YIPF5: variants seen among roughly 807,000 people sequenced by gnomAD.
YIPF5 encodes protein YIPF5.
Under a neutral mutation model 30.4 loss-of-function variants are expected in YIPF5, and 8 were observed. The ratio of observed to expected loss-of-function variants is 0.26; its 90% CI spans 0.15 to 0.47. The LOEUF (loss-of-function observed/expected upper bound fraction) is 0.47, where lower values mean the gene tolerates loss of function less well. YIPF5 is among the 20% of genes least tolerant of loss of function. The pLI, the probability that YIPF5 is intolerant of heterozygous loss-of-function variation, is 0.99. For synonymous variants in YIPF5, 104 were observed against 107.9 expected (o/e 0.96, Z 0.23); for missense variants, 282 against 301.8 (o/e 0.93, Z 0.49).
At chr5:144,167,807 T>C (rs1296970830) in intron 2 of YIPF5, among the ~76,000 whole-genome samples, 6 of 152,236 alleles carry the variant, frequency 3.9e-5, no homozygotes, top group Non-Finnish European at 8.8e-5. Context: ...GCAAGTAATA[T>C]GCTATTTGCA....
At chr5:144,164,051 C>T in intron 4 of YIPF5, 60 bp downstream of exon 4, 3 of 1,589,006 alleles carry the variant, frequency 1.9e-6, no homozygotes, top group South Asian at 2.3e-5. Context: ...TTTGGTAGAA[C>T]ATTTAAAATT....
chr5:144,159,532 A>T lies in YIPF5; in HGVS notation c.*865T>A. The T allele has an allele frequency of 1.0e-6, 1 of 985,314 alleles. No individual in the cohort carries two copies. The highest frequency in any genetic ancestry group is 1.2e-6 in the Non-Finnish European group (1 of 829,920). 61.0% of individuals were successfully genotyped at this position (985,314 alleles called of 1,614,324 possible). A position where few individuals can be genotyped will look rare whatever the true frequency, so the allele number is the denominator to read the frequency against. On this transcript the variant is annotated 3_prime_UTR_variant, in exon 6 of 6. Transcript: ENST00000274496. ...GATTGTGAACTTCCCGTATCTCTGA[A>T]TTTTAGCAAAAATTCCATGAGATAA... is the stretch of plus-strand genomic sequence containing the variant.
intron 3 of YIPF5, among the ~76,000 whole-genome samples, chr5:144,164,769 A>G (rs1032285231): frequency 6.6e-6 from 1 of 151,954 alleles, no homozygotes; most frequent in Non-Finnish European, 1.5e-5. Flanking sequence ...CAAATATGTC[A>G]TTTCTGGATT....
Position 144,169,894 on chromosome 5 carries a change from T to G in YIPF5, c.62A>C (p.Gln21Pro). 6.2e-7 allele frequency: 1 copy of G among 1,614,242 alleles called. No homozygotes were observed. The highest frequency in any genetic ancestry group is 1.6e-4 in the Middle Eastern group (1 of 6,062). ...TCCATAATCATAGGACTGCTGTGAC[T>G]GATCATCGATGCTGTAACTTGTCTG... The part of the protein sequence containing the change: ...FYQTSYSIDD[Q>P]SQQSYDYGGS... The change falls in exon 2 of 6, where the codon CAG becomes CCG. Residue 21 changes from glutamine (Q) to proline (P), a missense_variant. Physicochemically the swap from Gln to Pro is moderately conservative, Grantham distance 76 (BLOSUM62 -1). Transcript: ENST00000274496.
At chr5:144,161,839 T>A (rs11954744) in intron 5 of YIPF5, among the ~76,000 whole-genome samples, 23,248 of 152,222 alleles carry the variant, frequency 0.15, 1,937 homozygotes, top group Admixed American at 0.25. Flanking sequence ...ATTTGGCATA[T>A]GTCCAATGGT....
At chr5:144,168,819 C>T (rs1752271934) in intron 2 of YIPF5, among the ~76,000 whole-genome samples, 1 of 152,168 alleles carries the variant, frequency 6.6e-6, no homozygotes, top group East Asian at 1.9e-4. Flanking sequence ...TTTTTAAATT[C>T]TTGGGCACTC....
chr5:144,161,469 C>T (rs534723726), intron 5 of YIPF5, among the ~76,000 whole-genome samples: 50 of 151,306 alleles, frequency 3.3e-4, no homozygotes, highest in Admixed American at 5.9e-4. Flanking sequence ...CTCAGCCTCC[C>T]GAGTAGCTGG....
chr5:144,159,549 A>G lies in YIPF5; in HGVS notation c.*848T>C, dbSNP rs1008257070. 3 of 985,284 alleles carry G rather than the reference A, an allele frequency of 3.0e-6. No individual in the cohort carries two copies. Among genetic ancestry groups the G allele is most frequent in the African/African-American group, 3.5e-5 (2 of 57,216 alleles). The allele number at this position is 985,284 out of a possible 1,614,324, so 61.0% of individuals were successfully genotyped here. A position where few individuals can be genotyped will look rare whatever the true frequency, so the allele number is the denominator to read the frequency against. On this transcript the variant is annotated 3_prime_UTR_variant, in exon 6 of 6. Transcript: ENST00000274496. ...ATCTCTGAATTTTAGCAAAAATTCCATGAGATAATTTACAGTAATGTCAAA... is the reference window on the plus strand; with the variant it reads ...ATCTCTGAATTTTAGCAAAAATTCCGTGAGATAATTTACAGTAATGTCAAA...
At chr5:144,162,517 C>G (rs1458744897) in intron 4 of YIPF5, 118 bp from the exon 5 acceptor site, 1 of 886,182 alleles carries the variant, frequency 1.1e-6, no homozygotes, top group Admixed American at 2.9e-5. Flanking sequence ...ACTAATCTAT[C>G]TATTCTTTAC....
chr5:144,165,221 T>C (rs1448820071), intron 3 of YIPF5, among the ~76,000 whole-genome samples: 1 of 152,240 alleles, frequency 6.6e-6, no homozygotes, highest in Non-Finnish European at 1.5e-5. Flanking sequence ...ACATACTTTA[T>C]TATCACTATT....
Position 144,158,166 on chromosome 5 carries a change from T to C in YIPF5, c.*2231A>G, listed in dbSNP as rs1470485513. On this transcript the variant is annotated 3_prime_UTR_variant, in exon 6 of 6. Coordinates refer to ENST00000274496, the MANE Select transcript of YIPF5 (RefSeq NM_030799.9). ...AAAAAAAGCGCCACATAGTACTTTT[T>C]GAGACACAGTACAACAGTCTTTAAT... 1 of 198,478 alleles carries C rather than the reference T, an allele frequency of 5.0e-6. No homozygotes were observed. The highest frequency in any genetic ancestry group is 1.0e-5 in the Non-Finnish European group (1 of 98,702). The allele number at this position is 198,478 out of a possible 1,614,324, so 12.3% of individuals were successfully genotyped here.
chr5:144,169,879 T>A lies in YIPF5; in HGVS notation c.77A>T (p.Tyr26Phe). The stretch of plus-strand genomic sequence containing the variant: ...GGGTCCTCCACTTCCTCCATAATCA[T>A]AGGACTGCTGTGACTGATCATCGAT... ...YSIDDQSQQS[Y>F]DYGGSGGPYS... The change falls in exon 2 of 6, where the codon TAT (tyrosine) becomes TTT (phenylalanine). Residue 26 changes from tyrosine to phenylalanine, a missense_variant. Coordinates refer to ENST00000274496, the MANE Select transcript of YIPF5 (RefSeq NM_030799.9). 6.2e-7 allele frequency: 1 copy of A among 1,614,210 alleles called. No homozygotes were observed. The highest frequency in any genetic ancestry group is 1.1e-5 in the South Asian group (1 of 91,082).
intron 5 of YIPF5, among the ~76,000 whole-genome samples, chr5:144,161,571 C>T (rs933996873): frequency 6.6e-6 from 1 of 152,064 alleles, no homozygotes; most frequent in Non-Finnish European, 1.5e-5. Flanking sequence ...GTCTCAAACT[C>T]CTGACATCAG....
intron 5 of YIPF5, among the ~76,000 whole-genome samples, chr5:144,161,312 G>A (rs1279007717): frequency 2.0e-5 from 3 of 148,084 alleles, no homozygotes; most frequent in African/African-American, 2.5e-5. Context: ...CCTTATTGGC[G>A]GTAATGTATA....
rs57086074 is a variant in YIPF5, at chr5:144,164,304, T to C, written c.284-48A>G. On this transcript the variant is annotated intron_variant, in intron 3 of 5. Coordinates refer to ENST00000274496, the MANE Select transcript of YIPF5 (RefSeq NM_030799.9). ...AGTTAATTAGGATTTGTGATGTATT[T>C]TTAATTCATCAAAATCTATCCTGAA... 3,248 of 1,523,518 alleles carry C rather than the reference T, an allele frequency of 2.1e-3. 53 individuals are homozygous for C. The African/African-American group carries it at 0.038, about 18-fold the overall frequency. 94.4% of individuals were successfully genotyped at this position (1,523,518 alleles called of 1,614,324 possible).
chr5:144,170,113 G>C, intron 1 of YIPF5, 148 bp from the exon 2 acceptor site: 1 of 647,398 alleles, frequency 1.5e-6, no homozygotes, highest in Non-Finnish European at 2.7e-6. Flanking sequence ...CGCAGCATTT[G>C]AACGACGGTA....
chr5:144,161,978 T>C (rs190024251), intron 5 of YIPF5, among the ~76,000 whole-genome samples: 69 of 152,306 alleles, frequency 4.5e-4, no homozygotes, highest in African/African-American at 1.6e-3. Flanking sequence ...ATGACAATGG[T>C]AAGTAAACAC....
intron 3 of YIPF5, 145 bp downstream of exon 3, chr5:144,165,287 C>CTA: frequency 9.4e-7 from 1 of 1,067,292 alleles, no homozygotes; most frequent in Non-Finnish European, 1.3e-6. Context: ...CGCATATACT[C>CTA]TGTTTAAAAT....
chr5:144,159,723 G>A lies in YIPF5; in HGVS notation c.*674C>T, dbSNP rs917010527. The A allele has an allele frequency of 3.2e-5, 15 of 470,348 alleles. No individual in the cohort carries two copies. The highest frequency in any genetic ancestry group is 5.2e-5 in the African/African-American group (1 of 19,290). The allele number at this position is 470,348 out of a possible 1,614,324, so 29.1% of individuals were successfully genotyped here. A position where few individuals can be genotyped will look rare whatever the true frequency, so the allele number is the denominator to read the frequency against. On this transcript the variant is annotated 3_prime_UTR_variant, in exon 6 of 6. Coordinates refer to ENST00000274496, the MANE Select transcript of YIPF5 (RefSeq NM_030799.9). ...TGTGTCTCCTTTTTTTTTTTTTTTTGAGACAGAGTCTCACCCTGTCACCCA... is the reference window on the plus strand; with the variant it reads ...TGTGTCTCCTTTTTTTTTTTTTTTTAAGACAGAGTCTCACCCTGTCACCCA...
Sources: gnomAD v4.1 joint callset for allele counts (sites outside exome capture counted in the v4.1 genomes callset) on GRCh38, gnomAD v4.1.1 for gene constraint, MANE v1.5 for transcripts, NCBI Gene and HGNC (gene_info 2026-07-23, HGNC 2026-07-21) for gene names.